The following NREP variants were observed in gnomAD, a reference collection of about 807,000 sequenced individuals.
NREP encodes neuronal regeneration related protein.
NREP carries 5 observed loss-of-function variants against 8.6 expected under a neutral mutation model. The observed-to-expected ratio is 0.58, with a 90% CI of 0.30 to 1.22. NREP has a LOEUF of 1.22. NREP is among the 50% of genes most tolerant of loss of function. The probability of loss-of-function intolerance (pLI) is 0.07; values close to 1 mark genes in which losing one functional copy is unlikely to be tolerated. For missense variants in NREP, 86 were observed against 82.5 expected (o/e 1.04, Z -0.17); for synonymous variants, 27 against 28.0 (o/e 0.96, Z 0.11).
At chr5:111,794,231 T>C (rs1019568807) in intron 2 of NREP, among the ~76,000 whole-genome samples, 2 of 152,192 alleles carry the variant, frequency 1.3e-5, no homozygotes, top group Non-Finnish European at 2.9e-5. Context: ...AGAATGCAAA[T>C]GCTGCAGTCA....
chr5:111,892,275 G>A (rs1754412509), intron 2 of NREP, among the ~76,000 whole-genome samples: 1 of 152,012 alleles, frequency 6.6e-6, no homozygotes. Context: ...TACAATAGAG[G>A]GCATCTACTT....
intron 2 of NREP, among the ~76,000 whole-genome samples, chr5:111,965,978 G>A (rs1373173719): frequency 6.6e-6 from 1 of 152,208 alleles, no homozygotes; most frequent in Non-Finnish European, 1.5e-5. Flanking sequence ...TTAACAGGCT[G>A]CAACCGTGAT....
At chr5:111,788,427 C>T (rs1040221075) in intron 2 of NREP, among the ~76,000 whole-genome samples, 3 of 152,190 alleles carry the variant, frequency 2.0e-5, no homozygotes, top group Non-Finnish European at 4.4e-5. Flanking sequence ...AGAAACTGAG[C>T]TGTGTCTCTG....
At chr5:111,971,644 A>C (rs1033823209) in intron 2 of NREP, among the ~76,000 whole-genome samples, 10 of 152,220 alleles carry the variant, frequency 6.6e-5, no homozygotes, top group African/African-American at 2.4e-4. Flanking sequence ...TCTTCAGTAA[A>C]CAGTGTTGGG....
At chr5:111,814,622 G>C (rs1752344275) in intron 2 of NREP, among the ~76,000 whole-genome samples, 4 of 152,058 alleles carry the variant, frequency 2.6e-5, no homozygotes, top group Admixed American at 2.6e-4. Context: ...TATGTACCAG[G>C]TACAGTGCTG....
chr5:111,938,287 T>C (rs1755738342), intron 2 of NREP, among the ~76,000 whole-genome samples: 1 of 152,110 alleles, frequency 6.6e-6, no homozygotes, highest in African/African-American at 2.4e-5. Flanking sequence ...AGTTATCCTA[T>C]CTATTTAATA....
At chr5:111,757,313 C>T (rs1349535386), upstream of NREP, 7 of 790,482 alleles carry the variant, frequency 8.9e-6, no homozygotes, top group Non-Finnish European at 1.1e-5. Flanking sequence ...GGAAACAAAA[C>T]CCAAACCGGC....
chr5:111,934,219 G>C (rs375180054), intron 2 of NREP, among the ~76,000 whole-genome samples: 25 of 152,050 alleles, frequency 1.6e-4, no homozygotes, highest in Non-Finnish European at 3.2e-4. Context: ...AGGTGAGAGA[G>C]AGTTCCATTG....
chr5:111,756,269 G>A (rs1467035426), intron 1 of NREP: 3 of 938,600 alleles, frequency 3.2e-6, no homozygotes, highest in African/African-American at 4.2e-5. Flanking sequence ...TTTGGAAATG[G>A]CACTGCATTA....
intron 2 of NREP, among the ~76,000 whole-genome samples, chr5:111,888,933 G>T (rs554757127): frequency 6.6e-6 from 1 of 152,276 alleles, no homozygotes; most frequent in East Asian, 1.9e-4. Context: ...ATCATCAGTG[G>T]ATTGATAGAT....
chr5:111,886,550 T>C (rs1360084984), intron 2 of NREP, among the ~76,000 whole-genome samples: 14 of 151,202 alleles, frequency 9.3e-5, no homozygotes, highest in Non-Finnish European at 1.0e-4. Flanking sequence ...TTATTCACAA[T>C]AGCAAAGACT....
chr5:111,772,217 T>G (rs1751247425), intron 2 of NREP, among the ~76,000 whole-genome samples: 1 of 152,182 alleles, frequency 6.6e-6, no homozygotes, highest in African/African-American at 2.4e-5. Flanking sequence ...CCTCATGCTG[T>G]GACTTGTAAA....
chr5:111,846,656 C>T (rs1208124253), intron 2 of NREP: 1 of 151,862 alleles, frequency 6.6e-6, no homozygotes, highest in Non-Finnish European at 1.5e-5. Context: ...CTGTAGCTCA[C>T]TTTTCAGTAA....
chr5:111,894,080 A>C (rs954485204), intron 2 of NREP, among the ~76,000 whole-genome samples: 1 of 152,002 alleles, frequency 6.6e-6, no homozygotes, highest in Non-Finnish European at 1.5e-5. Context: ...TTAGCCAGGC[A>C]TGGTGGCAGG....
chr5:111,735,255 T>C (rs892257092), intron 3 of NREP, 175 bp downstream of exon 3: 8 of 486,350 alleles, frequency 1.6e-5, no homozygotes, highest in African/African-American at 5.8e-5. Flanking sequence ...CTTTAAGTCA[T>C]AGGACTTTAG....
intron 2 of NREP, among the ~76,000 whole-genome samples, chr5:111,867,635 T>G (rs1203988595): frequency 6.6e-6 from 1 of 152,092 alleles, no homozygotes; most frequent in Non-Finnish European, 1.5e-5. Flanking sequence ...TGTTTAAATA[T>G]CAGCAAGGAA....
chr5:111,730,855 CAT>C lies in NREP; in HGVS notation c.*64_*65del, dbSNP rs1748481239. 3.2e-6 allele frequency: 5 copies of C among 1,546,218 alleles called. No homozygotes were observed. In the African/African-American group the frequency reaches 4.1e-5, roughly 13 times the overall value. Reference sequence around the variant, plus strand: ...TGATGATTTACACAGAAAAAAATCCCATATATGATACCATGACCTCATCAATA... The same window carrying C: ...TGATGATTTACACAGAAAAAAATCCCATATGATACCATGACCTCATCAATA... On this transcript the variant is annotated 3_prime_UTR_variant, in exon 4 of 4. Coordinates refer to ENST00000257435, the MANE Select transcript of NREP (RefSeq NM_004772.4).
intron 2 of NREP, among the ~76,000 whole-genome samples, chr5:111,831,873 G>T (rs1752776529): frequency 6.6e-6 from 1 of 152,112 alleles, no homozygotes; most frequent in African/African-American, 2.4e-5. Flanking sequence ...CTTATTTCTG[G>T]TGCCACTATC....
intron 2 of NREP, among the ~76,000 whole-genome samples, chr5:111,912,059 G>A (rs1469332453): frequency 2.0e-5 from 3 of 152,022 alleles, no homozygotes; most frequent in African/African-American, 7.2e-5. Flanking sequence ...GTAAATTTAG[G>A]AGAACCAGCT....
Sources: allele counts gnomAD v4.1 joint callset (sites outside exome capture counted in the v4.1 genomes callset), GRCh38; gene constraint gnomAD v4.1.1; transcripts MANE v1.5; gene names NCBI Gene and HGNC (gene_info 2026-07-23, HGNC 2026-07-21).